The following ALCAM variants were observed in gnomAD, a reference collection of about 807,000 sequenced individuals.
ALCAM encodes the protein activated leukocyte cell adhesion molecule.
In ALCAM, 30 loss-of-function variants were observed where a neutral mutation model predicts 70.9. The observed-to-expected ratio is 0.42, with a 90% CI of 0.32 to 0.57. The LOEUF (loss-of-function observed/expected upper bound fraction) is 0.57, where lower values mean the gene tolerates loss of function less well. ALCAM is among the 20% of genes least tolerant of loss of function. ALCAM has a pLI of 0.11. For synonymous variants in ALCAM, 249 were observed against 242.5 expected (o/e 1.03, Z -0.25); for missense variants, 591 against 695.1 (o/e 0.85, Z 1.68).
intron 1 of ALCAM, among the ~76,000 whole-genome samples, chr3:105,495,410 G>A (rs1938705800): frequency 6.7e-6 from 1 of 150,156 alleles, no homozygotes; most frequent in African/African-American, 2.5e-5. Context: ...AGAATGAACA[G>A]GGTGAAATTT....
chr3:105,554,017 C>T (rs1378938507), intron 14 of ALCAM, among the ~76,000 whole-genome samples: 1 of 151,900 alleles, frequency 6.6e-6, no homozygotes, highest in African/African-American at 2.4e-5. Flanking sequence ...TGGCCTTTCT[C>T]TCCTTAGTCT....
chr3:105,474,118 T>A (rs1411117374), intron 1 of ALCAM, among the ~76,000 whole-genome samples: 1 of 150,428 alleles, frequency 6.6e-6, no homozygotes, highest in African/African-American at 2.4e-5. Flanking sequence ...ATTGGGAAAG[T>A]ATCCTTTGAG....
chr3:105,370,290 A>G (rs1935193748), intron 1 of ALCAM, among the ~76,000 whole-genome samples: 1 of 152,248 alleles, frequency 6.6e-6, no homozygotes, highest in South Asian at 2.1e-4. Context: ...ACTGTTTAAC[A>G]GCCAATATAT....
At chr3:105,443,877 A>C (rs1455042885) in intron 1 of ALCAM, among the ~76,000 whole-genome samples, 2 of 151,888 alleles carry the variant, frequency 1.3e-5, no homozygotes, top group African/African-American at 4.8e-5. Context: ...TCCACACCCA[A>C]TTTTAGAGGA....
chr3:105,456,032 T>A (rs1447026089), intron 1 of ALCAM, among the ~76,000 whole-genome samples: 1 of 152,036 alleles, frequency 6.6e-6, no homozygotes, highest in Non-Finnish European at 1.5e-5. Flanking sequence ...TGAGCCGAGA[T>A]CGCGCCAATG....
rs188178370 is a variant in ALCAM at position 105,378,112 on chromosome 3, A to T, written c.73+10631A>T. Among the ~76,000 whole-genome samples the T allele has an allele frequency of 2.5e-3, 376 of 152,080 alleles. 1 individual carries two copies. The highest frequency in any genetic ancestry group is 1.9e-3 in the Non-Finnish European group (127 of 67,868). ...CTGATAAAAAGTACAATATTTTACA[A>T]ATTTTTTTAAAAATCAGTGCCACTA... On this transcript the variant is annotated intron_variant, in intron 1 of 15. Transcript: ENST00000306107.
chr3:105,497,569 C>T (rs9843791), intron 1 of ALCAM, among the ~76,000 whole-genome samples: 61,714 of 151,868 alleles, frequency 0.41, 13,136 homozygotes, highest in Admixed American at 0.52. Flanking sequence ...GCATAATAAA[C>T]GCCCATCATG....
At chr3:105,413,836 G>T (rs571784263) in intron 1 of ALCAM, among the ~76,000 whole-genome samples, 1 of 152,080 alleles carries the variant, frequency 6.6e-6, no homozygotes, top group Non-Finnish European at 1.5e-5. Context: ...TAATGTTTTT[G>T]ACTAAAGTTT....
At chr3:105,496,368 T>C (rs1236473489) in intron 1 of ALCAM, among the ~76,000 whole-genome samples, 2 of 152,136 alleles carry the variant, frequency 1.3e-5, no homozygotes, top group Non-Finnish European at 2.9e-5. Context: ...AAGTCAACTC[T>C]GTTACAAGAA....
At chr3:105,495,716 A>G (rs559180789) in intron 1 of ALCAM, among the ~76,000 whole-genome samples, 1 of 152,332 alleles carries the variant, frequency 6.6e-6, no homozygotes, top group Admixed American at 6.5e-5. Flanking sequence ...AAACAAGATC[A>G]AAGTGCCATT....
intron 3 of ALCAM, among the ~76,000 whole-genome samples, chr3:105,527,124 A>G (rs1939724576): frequency 6.6e-6 from 1 of 152,166 alleles, no homozygotes; most frequent in Admixed American, 6.6e-5. Context: ...GTCACCACTA[A>G]TCAGCTTTTT....
chr3:105,562,704 G>A (rs987375495), intron 14 of ALCAM, among the ~76,000 whole-genome samples: 2 of 152,130 alleles, frequency 1.3e-5, no homozygotes, highest in Admixed American at 6.5e-5. Context: ...TTGTTAATTC[G>A]TTAAATATTT....
rs140428107 is a variant in ALCAM at position 105,574,731 on chromosome 3, G to A, written c.*280G>A. The A allele has an allele frequency of 4.1e-4, 62 of 152,600 alleles. No individual in the cohort carries two copies. Among genetic ancestry groups the A allele is most frequent in the African/African-American group, 1.5e-3 (61 of 41,524 alleles). The allele number at this position is 152,600 out of a possible 1,614,324, so 9.5% of individuals were successfully genotyped here. ...TTTTTTCCGTAAATGTCTGCACTGA[G>A]GATTTCTTTTTGGTTTGCCTTTTAT... On this transcript the variant is annotated 3_prime_UTR_variant, in exon 16 of 16. Coordinates refer to ENST00000306107, the MANE Select transcript of ALCAM (RefSeq NM_001627.4).
chr3:105,547,461 G>C lies in ALCAM; in HGVS notation c.1312G>C (p.Glu438Gln). ...GLSKTIICHVEGFPKPAIQWT... is the reference protein window; with the variant it reads ...GLSKTIICHVQGFPKPAIQWT... ...ATCTAAAACAATAATCTGCCATGTG[G>C]AAGGTTTTCCAAAGCCAGCCATTCA... is the stretch of plus-strand genomic sequence containing the variant. The change falls in exon 11 of 16, where the codon GAA becomes CAA. Residue 438 changes from glutamate to glutamine, a missense_variant. Coordinates refer to ENST00000306107, the MANE Select transcript of ALCAM (RefSeq NM_001627.4). 6.2e-7 allele frequency: 1 copy of C among 1,610,678 alleles called. No homozygotes were observed. Among genetic ancestry groups the C allele is most frequent in the Non-Finnish European group, 8.5e-7 (1 of 1,177,784 alleles).
intron 1 of ALCAM, among the ~76,000 whole-genome samples, chr3:105,421,814 G>T (rs545490892): frequency 6.6e-6 from 1 of 151,504 alleles, no homozygotes; most frequent in African/African-American, 2.4e-5. Context: ...TCTTTAAGAT[G>T]AAAATACTTT....
intron 1 of ALCAM, among the ~76,000 whole-genome samples, chr3:105,519,093 G>A (rs970799190): frequency 2.0e-5 from 3 of 151,936 alleles, no homozygotes; most frequent in South Asian, 2.1e-4. Flanking sequence ...CTCTATACCC[G>A]ATTATGATAC....
chr3:105,508,960 G>GATTATGTAGCAT (rs1205506944), intron 1 of ALCAM, among the ~76,000 whole-genome samples: 16 of 152,084 alleles, frequency 1.1e-4, no homozygotes, highest in African/African-American at 3.9e-4. Context: ...ATATAAGTAT[G>GATTATGTAGCAT]ATTATGTAGC....
intron 1 of ALCAM, among the ~76,000 whole-genome samples, chr3:105,392,924 T>G (rs1935860426): frequency 6.6e-6 from 1 of 151,898 alleles, no homozygotes; most frequent in South Asian, 2.1e-4. Context: ...CTAGTTTGAT[T>G]GTAGTGCAAA....
chr3:105,381,416 G>A (rs183281007), intron 1 of ALCAM, among the ~76,000 whole-genome samples: 1 of 151,906 alleles, frequency 6.6e-6, no homozygotes, highest in Admixed American at 6.6e-5. Flanking sequence ...ATGTTTTTAT[G>A]GGGCGTAACC....
Sources: allele counts gnomAD v4.1 joint callset (sites outside exome capture counted in the v4.1 genomes callset), GRCh38; gene constraint gnomAD v4.1.1; transcripts MANE v1.5; gene names NCBI Gene and HGNC (gene_info 2026-07-23, HGNC 2026-07-21).